OPHN1: variants seen among roughly 807,000 people sequenced by gnomAD.
The protein encoded by OPHN1 is oligophrenin 1.
Under a neutral mutation model 60.7 loss-of-function variants are expected in OPHN1, and 11 were observed. The ratio of observed to expected loss-of-function variants is 0.18; its 90% CI spans 0.11 to 0.30. The LOEUF (loss-of-function observed/expected upper bound fraction) is 0.30. Among genes scored for constraint, OPHN1 ranks in the 10% least tolerant of loss-of-function variants. The probability of loss-of-function intolerance (pLI) is 1.00; values close to 1 mark genes in which losing one functional copy is unlikely to be tolerated. For synonymous variants in OPHN1, 226 were observed against 222.6 expected, an observed-to-expected ratio of 1.02 and a Z score of -0.14; for missense variants, 449 against 611.0, an observed-to-expected ratio of 0.73 and a Z score of 2.80.
At chrX:68,217,536 A>G (rs954635983) in intron 6 of OPHN1, among the ~76,000 whole-genome samples, 19 of 110,257 alleles carry the variant, frequency 1.7e-4, no homozygotes, top group Non-Finnish European at 3.2e-4. Flanking sequence ...CCTGTCTGAC[A>G]GCTTTGAAGA....
intron 5 of OPHN1, among the ~76,000 whole-genome samples, chrX:68,267,385 C>T (rs1198577033): frequency 3.6e-5 from 4 of 111,787 alleles, no homozygotes; most frequent in African/African-American, 6.5e-5. Context: ...CACTCAAAAC[C>T]GCTCAACTAC....
chrX:68,118,813 T>C (rs1237987290), intron 16 of OPHN1, among the ~76,000 whole-genome samples: 1 of 111,477 alleles, frequency 9.0e-6, no homozygotes, highest in African/African-American at 3.3e-5. Flanking sequence ...GATTAAGACA[T>C]GATACGTAGC....
chrX:68,284,318 GTATC>G (rs1179760925), intron 3 of OPHN1, among the ~76,000 whole-genome samples: 1 of 109,771 alleles, frequency 9.1e-6, no homozygotes, highest in Non-Finnish European at 1.9e-5. Flanking sequence ...TATAGTTTGG[GTATC>G]TATCTCCTCA....
intron 15 of OPHN1, among the ~76,000 whole-genome samples, chrX:68,192,412 G>A (rs1328419712): frequency 9.3e-6 from 1 of 107,352 alleles, no homozygotes; most frequent in Non-Finnish European, 1.9e-5. Context: ...GGTTGAGGAT[G>A]CAGTGAGCCA....
At chrX:68,055,354 G>A (rs1261135853) in intron 21 of OPHN1, among the ~76,000 whole-genome samples, 2 of 112,240 alleles carry the variant, frequency 1.8e-5, no homozygotes, top group Non-Finnish European at 3.8e-5. Flanking sequence ...ATTAAAAAAT[G>A]TTCATCATCA....
intron 19 of OPHN1, among the ~76,000 whole-genome samples, chrX:68,089,488 A>T (rs180903636): frequency 5.5e-4 from 62 of 111,896 alleles, no homozygotes; most frequent in African/African-American, 2.0e-3. Context: ...TACTACATAA[A>T]GTTGTGAGAA....
chrX:68,071,780 G>A, intron 20 of OPHN1: 1 of 442,368 alleles, frequency 2.3e-6, no homozygotes, highest in Non-Finnish European at 4.0e-6. Context: ...TGGAAATGGA[G>A]AGAGGTCGAT....
Position 68,301,723 on chromosome X carries a change from C to A in OPHN1, c.155-2627G>T, listed in dbSNP as rs2078122005. Reference sequence around the variant, plus strand: ...CTCATCATTTTATCTTCCCCATCCCCGTCCATTCTGCCACTATGTCAATAT... The same window carrying A: ...CTCATCATTTTATCTTCCCCATCCCAGTCCATTCTGCCACTATGTCAATAT... On this transcript the variant is annotated intron_variant, in intron 2 of 24. Coordinates refer to ENST00000355520, the MANE Select transcript of OPHN1 (RefSeq NM_002547.3). Among the ~76,000 whole-genome samples, 3 of 111,906 alleles carry A rather than the reference C, an allele frequency of 2.7e-5. No homozygotes were observed. The South Asian group carries it at 1.1e-3, about 42-fold the overall frequency.
chrX:68,351,674 GT>G (rs1303748636), intron 2 of OPHN1, among the ~76,000 whole-genome samples: 1 of 110,657 alleles, frequency 9.0e-6, no homozygotes, highest in African/African-American at 3.3e-5. Flanking sequence ...CCAAAGAAAT[GT>G]TTGGTTTTCT....
Position 68,043,825 on chromosome X carries a change from T to C in OPHN1, c.*3347A>G, listed in dbSNP as rs2076823983. 8.9e-6 allele frequency: 1 copy of C among 111,979 alleles called. No homozygotes were observed. The highest frequency in any genetic ancestry group is 3.2e-5 in the African/African-American group (1 of 30,822). The allele number at this position is 111,979 out of a possible 1,213,427, so 9.2% of individuals were successfully genotyped here. ...AAAATTTGTAGAGATTTGACCCCAATACATCAAGTACTGCAGAGGCACCAA... is the reference window on the plus strand; with the variant it reads ...AAAATTTGTAGAGATTTGACCCCAACACATCAAGTACTGCAGAGGCACCAA... On this transcript the variant is annotated 3_prime_UTR_variant, in exon 25 of 25. Coordinates refer to ENST00000355520, the MANE Select transcript of OPHN1 (RefSeq NM_002547.3).
At chrX:68,117,925 G>GGAA (rs1473659312) in intron 16 of OPHN1, among the ~76,000 whole-genome samples, 2 of 112,027 alleles carry the variant, frequency 1.8e-5, no homozygotes, top group African/African-American at 6.5e-5. Context: ...TGCAATGTGG[G>GGAA]GAAGGCCTTA....
At chrX:68,097,308 T>G (rs1199619720) in intron 18 of OPHN1, among the ~76,000 whole-genome samples, 1 of 111,097 alleles carries the variant, frequency 9.0e-6, no homozygotes, top group African/African-American at 3.3e-5. Context: ...CTAAAGCTAG[T>G]GGGATACTAT....
intron 15 of OPHN1, among the ~76,000 whole-genome samples, chrX:68,135,660 C>T (rs1602181924): frequency 8.9e-6 from 1 of 112,191 alleles, no homozygotes; most frequent in East Asian, 2.8e-4. Flanking sequence ...ACAAAAATGG[C>T]TGTGGCTTAA....
chrX:68,102,918 C>A (rs1238583355), intron 18 of OPHN1, among the ~76,000 whole-genome samples: 3 of 111,613 alleles, frequency 2.7e-5, no homozygotes, highest in Non-Finnish European at 5.6e-5. Context: ...CAGGACCAGA[C>A]GGATTCACAG....
At chrX:68,182,158 A>C in intron 15 of OPHN1, among the ~76,000 whole-genome samples, 1 of 107,095 alleles carries the variant, frequency 9.3e-6, no homozygotes, top group Non-Finnish European at 1.9e-5. Flanking sequence ...CAATTTGATA[A>C]AATCTTGGGA....
At chrX:68,253,067 T>C (rs1569258486) in intron 5 of OPHN1, among the ~76,000 whole-genome samples, 1 of 111,488 alleles carries the variant, frequency 9.0e-6, no homozygotes, top group Non-Finnish European at 1.9e-5. Flanking sequence ...AAAAAAGTTA[T>C]ATTAACTAAG....
chrX:68,065,485 A>G (rs1398938774), intron 20 of OPHN1, among the ~76,000 whole-genome samples: 1 of 111,782 alleles, frequency 8.9e-6, no homozygotes, highest in East Asian at 2.8e-4. Context: ...AAATGCTGAA[A>G]TGTGGGGAGT....
intron 6 of OPHN1, among the ~76,000 whole-genome samples, chrX:68,220,963 A>G (rs935844746): frequency 5.2e-5 from 5 of 95,467 alleles, no homozygotes; most frequent in Non-Finnish European, 1.1e-4. Flanking sequence ...AATAAAGGGT[A>G]TTCAATTAGG....
chrX:68,197,220 C>T lies in OPHN1; in HGVS notation c.1070G>A (p.Arg357Lys). The T allele has an allele frequency of 8.3e-7, 1 of 1,209,625 alleles. No individual in the cohort carries two copies. Residue 357 changes from arginine (R) to lysine (K), a missense_variant, in exon 12 of 25, where the codon AGG (arginine) becomes AAG (lysine). Transcript: ENST00000355520. Reference protein sequence around the residue: ...TLQALSEANRRLWMEAMDGKE... With the variant: ...TLQALSEANRKLWMEAMDGKE... Reference sequence around the variant, plus strand: ...CCCATCCATGGCTTCCATCCATAGCCTTCTGTTAGCTTCTGAAAGGGCCTG... The same window carrying T: ...CCCATCCATGGCTTCCATCCATAGCTTTCTGTTAGCTTCTGAAAGGGCCTG...
Sources: gnomAD v4.1 joint callset for allele counts (sites outside exome capture counted in the v4.1 genomes callset) on GRCh38, gnomAD v4.1.1 for gene constraint, MANE v1.5 for transcripts, NCBI Gene and HGNC (gene_info 2026-07-23, HGNC 2026-07-21) for gene names.